The following LDHC variants were observed in gnomAD, a reference collection of about 807,000 sequenced individuals.
The protein encoded by LDHC is lactate dehydrogenase C, also known as L-lactate dehydrogenase C chain.
Under a neutral mutation model 30.2 loss-of-function variants are expected in LDHC, and 20 were observed. That is an observed-to-expected ratio of 0.66 (90% CI 0.47 to 0.96). The LOEUF is 0.96. Ranked by LOEUF, LDHC falls within the 40% of genes least tolerant of loss-of-function variation. LDHC has a pLI of 0.00. For synonymous variants in LDHC, 139 were observed against 132.7 expected (o/e 1.05, Z -0.32); for missense variants, 362 against 394.9 (o/e 0.92, Z 0.71).
At chr11:18,424,375 C>T (rs550878244) in intron 3 of LDHC, among the ~76,000 whole-genome samples, 2 of 149,164 alleles carry the variant, frequency 1.3e-5, no homozygotes, top group East Asian at 2.0e-4. Context: ...GAATGAAACT[C>T]TGTCTCAAAA....
In LDHC at chr11:18,434,853, T is replaced by G; in HGVS notation, c.532T>G (p.Leu178Val). 2 of 1,613,458 alleles carry G rather than the reference T, an allele frequency of 1.2e-6. No individual in the cohort carries two copies. The highest frequency in any genetic ancestry group is 8.5e-7 in the Non-Finnish European group (1 of 1,179,364). Reference protein sequence around the residue: ...ARFRYLIGEKLGVHPTSCHGW... With the variant: ...ARFRYLIGEKVGVHPTSCHGW... Reference sequence around the variant, plus strand: ...TTTCCGTTACCTAATTGGAGAAAAGTTGGGTGTCCACCCCACAAGCTGCCA... The same window carrying G: ...TTTCCGTTACCTAATTGGAGAAAAGGTGGGTGTCCACCCCACAAGCTGCCA... The change falls in exon 5 of 8, where the codon TTG becomes GTG. Residue 178 changes from leucine (L) to valine (V), a missense_variant. By Grantham distance (32) the Leu-to-Val change is conservative. Transcript: ENST00000541669.
rs143716999 is a variant in LDHC at position 18,445,317 on chromosome 11, T to C, written c.711-893T>C. On this transcript the variant is annotated intron_variant, in intron 6 of 7. Coordinates refer to ENST00000541669, the MANE Select transcript of LDHC (RefSeq NM_017448.5). The stretch of plus-strand genomic sequence containing the variant: ...GATTCTCCTACCTCAGCCTCTCCAG[T>C]AGCTGGGACTACAGGCATATACCAC... Among the ~76,000 whole-genome samples, 500 of 152,230 alleles carry C rather than the reference T, an allele frequency of 3.3e-3. 5 individuals are homozygous for C. Among genetic ancestry groups the C allele is most frequent in the African/African-American group, 0.012 (484 of 41,538 alleles).
chr11:18,423,088 G>C (rs1471190794), intron 3 of LDHC, among the ~76,000 whole-genome samples: 1 of 152,052 alleles, frequency 6.6e-6, no homozygotes, highest in Admixed American at 6.6e-5. Context: ...ACTTTGCGAG[G>C]CCGAGTCAAG....
intron 3 of LDHC, among the ~76,000 whole-genome samples, chr11:18,429,116 C>CTTTTTTTTTT (rs36038254): frequency 9.6e-5 from 9 of 93,922 alleles, no homozygotes; most frequent in Admixed American, 1.5e-4. Context: ...TCATTTTGGT[C>CTTTTTTTTTT]TTTTTTTTTT....
rs146653403 is a variant in LDHC, at chr11:18,413,031, C to CTT, written c.126+196_126+197dup. Among the ~76,000 whole-genome samples the CTT allele has an allele frequency of 4.6e-3, 633 of 136,410 alleles. 5 individuals carry two copies. Among genetic ancestry groups the CTT allele is most frequent in the African/African-American group, 0.015 (576 of 37,654 alleles). 89.5% of individuals were successfully genotyped at this position (136,410 alleles called of 152,430 possible). ...CCTTTTTCTTTCTCTCTTTCTTTTCCTTTTTTTTTAAACTTCTTCTTTCTT... is the reference window on the plus strand; with the variant it reads ...CCTTTTTCTTTCTCTCTTTCTTTTCCTTTTTTTTTTTAAACTTCTTCTTTCTT... On this transcript the variant is annotated intron_variant, in intron 2 of 7. Transcript: ENST00000541669.
intron 6 of LDHC, among the ~76,000 whole-genome samples, chr11:18,439,563 C>CAAAAAAAAA (rs34511927): frequency 3.4e-5 from 2 of 59,352 alleles, no homozygotes; most frequent in African/African-American, 6.4e-5. Flanking sequence ...AACTCCATCT[C>CAAAAAAAAA]AAAAAAAAAA....
At chr11:18,443,583 C>T (rs1848503480) in intron 6 of LDHC, among the ~76,000 whole-genome samples, 1 of 151,916 alleles carries the variant, frequency 6.6e-6, no homozygotes. Context: ...CCTCAGCCTC[C>T]TGAGTAGCTA....
chr11:18,427,514 A>G (rs1351634674), intron 3 of LDHC, among the ~76,000 whole-genome samples: 1 of 152,158 alleles, frequency 6.6e-6, no homozygotes, highest in Non-Finnish European at 1.5e-5. Context: ...TAGACCTCAG[A>G]GCTTTTGCTC....
At chr11:18,446,388 C>A in intron 7 of LDHC, 55 bp downstream of exon 7, 1 of 1,242,998 alleles carries the variant, frequency 8.0e-7, no homozygotes, top group Non-Finnish European at 1.2e-6. Context: ...TTTATTGGGT[C>A]ACTACTATAT....
intron 2 of LDHC, 75 bp downstream of exon 2, chr11:18,412,918 G>C: frequency 7.1e-7 from 1 of 1,413,150 alleles, no homozygotes; most frequent in Non-Finnish European, 9.6e-7. Flanking sequence ...ATGTATTCAG[G>C]GTTGCAAGGT....
At chr11:18,425,005 C>T (rs1417148414) in intron 3 of LDHC, among the ~76,000 whole-genome samples, 1 of 152,002 alleles carries the variant, frequency 6.6e-6, no homozygotes, top group Non-Finnish European at 1.5e-5. Context: ...CATCTCAAAA[C>T]AAAACAAAAC....
At chr11:18,441,285 T>C (rs1018473178) in intron 6 of LDHC, among the ~76,000 whole-genome samples, 21 of 152,194 alleles carry the variant, frequency 1.4e-4, no homozygotes, top group African/African-American at 4.8e-4. Flanking sequence ...AAACACAGTA[T>C]AGCATATCAG....
intron 5 of LDHC, among the ~76,000 whole-genome samples, chr11:18,438,261 C>G (rs149432835): frequency 2.6e-5 from 4 of 152,208 alleles, no homozygotes; most frequent in Non-Finnish European, 5.9e-5. Flanking sequence ...GTGCCATATA[C>G]TTTTAAACAA....
At chr11:18,447,260 A>C (rs1848569446) in intron 7 of LDHC, among the ~76,000 whole-genome samples, 1 of 151,926 alleles carries the variant, frequency 6.6e-6, no homozygotes, top group African/African-American at 2.4e-5. Context: ...CAGCCTCCCA[A>C]GTAGCTGGGA....
rs1848648670 is a variant in LDHC, at chr11:18,451,102, A to G, written c.974A>G (p.Asn325Ser). The change falls in exon 8 of 8, where the codon AAT becomes AGT. Residue 325 changes from asparagine (N) to serine (S), a missense_variant. By Grantham distance (46) the Asn-to-Ser change is conservative. Coordinates refer to ENST00000541669, the MANE Select transcript of LDHC (RefSeq NM_017448.5). The part of the protein sequence containing the change: ...LFKKSAETLW[N>S]IQKDLIF ...AAGAAGAGTGCAGAAACACTTTGGA[A>G]TATTCAAAAGGATCTAATATTTTAA... The G allele has an allele frequency of 6.4e-7, 1 of 1,553,274 alleles. No individual in the cohort carries two copies. Among genetic ancestry groups the G allele is most frequent in the African/African-American group, 1.4e-5 (1 of 70,988 alleles).
At chr11:18,421,193 A>G (rs1374746030) in intron 3 of LDHC, among the ~76,000 whole-genome samples, 1 of 151,986 alleles carries the variant, frequency 6.6e-6, no homozygotes, top group African/African-American at 2.4e-5. Flanking sequence ...AGCTGAAATT[A>G]CAGGCACACA....
chr11:18,420,805 G>T (rs1848028891), intron 3 of LDHC, among the ~76,000 whole-genome samples: 1 of 152,042 alleles, frequency 6.6e-6, no homozygotes, highest in Non-Finnish European at 1.5e-5. Flanking sequence ...GACAAAAAAT[G>T]AAGGACAGAG....
At chr11:18,429,276 C>A (rs993097603) in intron 3 of LDHC, among the ~76,000 whole-genome samples, 2 of 151,964 alleles carry the variant, frequency 1.3e-5, no homozygotes, top group Admixed American at 1.3e-4. Context: ...CCACTCCCAG[C>A]TAATTTTTGT....
In LDHC at chr11:18,434,899, A is replaced by T; in HGVS notation, c.578A>T (p.His193Leu). The T allele has an allele frequency of 1.9e-6, 3 of 1,611,416 alleles. No individual in the cohort carries two copies. Among genetic ancestry groups the T allele is most frequent in the Non-Finnish European group, 2.5e-6 (3 of 1,177,592 alleles). ...TSCHGWIIGE[H>L]GDSSVPLWSG... is the part of the protein sequence containing the mutation. ...TGCCATGGTTGGATTATTGGAGAAC[A>T]TGGTGATTCTAGTGGTAAGTATAAA... The change falls in exon 5 of 8, where the codon CAT becomes CTT. Residue 193 changes from histidine (H) to leucine (L), a missense_variant. His to Leu is a moderately conservative substitution (Grantham distance 99). Transcript: ENST00000541669.
Sources: allele counts gnomAD v4.1 joint callset (sites outside exome capture counted in the v4.1 genomes callset), GRCh38; gene constraint gnomAD v4.1.1; transcripts MANE v1.5; gene names NCBI Gene and HGNC (gene_info 2026-07-23, HGNC 2026-07-21).